The following RIMS1 variants were observed in gnomAD, a reference collection of about 807,000 sequenced individuals.
RIMS1 encodes the protein regulating synaptic membrane exocytosis 1.
A neutral mutation model predicts 214.1 loss-of-function variants in RIMS1; 83 were observed. The ratio of observed to expected loss-of-function variants is 0.39; its 90% CI spans 0.32 to 0.47. RIMS1 has a LOEUF of 0.47. Among genes scored for constraint, RIMS1 ranks in the 20% least tolerant of loss-of-function variants. The pLI is 0.99. For synonymous variants in RIMS1, 793 were observed against 786.8 expected (o/e 1.01, Z -0.13); for missense variants, 2,050 against 2,161.8 (o/e 0.95, Z 1.03).
intron 6 of RIMS1, among the ~76,000 whole-genome samples, chr6:72,190,058 C>T (rs1274412060): frequency 6.6e-6 from 1 of 152,204 alleles, no homozygotes; most frequent in Non-Finnish European, 1.5e-5. Flanking sequence ...TATGTAATCA[C>T]ACATCTGGCC....
At chr6:71,901,328 T>G (rs1582127580) in intron 1 of RIMS1, among the ~76,000 whole-genome samples, 1 of 152,262 alleles carries the variant, frequency 6.6e-6, no homozygotes, top group East Asian at 1.9e-4. Flanking sequence ...CATAGCAACC[T>G]TATTGTTAAT....
At chr6:72,377,925 TTCTAAGTGTTTACC>T (rs562136597) in intron 29 of RIMS1, among the ~76,000 whole-genome samples, 213 of 152,336 alleles carry the variant, frequency 1.4e-3, no homozygotes, top group African/African-American at 4.9e-3. Context: ...GTGTAAGTTG[TTCTAAGTGTTTACC>T]TCACCCATCC....
intron 18 of RIMS1, among the ~76,000 whole-genome samples, chr6:72,259,988 G>A (rs547160333): frequency 3.9e-5 from 6 of 152,180 alleles, no homozygotes; most frequent in Admixed American, 1.3e-4. Flanking sequence ...GGAAAGTAGC[G>A]TTGTGACCTT....
chr6:72,344,913 C>T (rs1356672685), intron 29 of RIMS1, among the ~76,000 whole-genome samples: 3 of 151,680 alleles, frequency 2.0e-5, no homozygotes, highest in Non-Finnish European at 4.4e-5. Context: ...TTATTGATTT[C>T]AGTGGAATTA....
chr6:72,315,111 G>A (rs929001665), intron 28 of RIMS1, among the ~76,000 whole-genome samples: 3 of 152,124 alleles, frequency 2.0e-5, no homozygotes, highest in African/African-American at 7.2e-5. Flanking sequence ...TTTTATACAA[G>A]GAGAATGGGG....
intron 1 of RIMS1, among the ~76,000 whole-genome samples, chr6:71,946,695 G>C (rs1392209408): frequency 6.6e-6 from 1 of 151,978 alleles, no homozygotes; most frequent in Non-Finnish European, 1.5e-5. Context: ...GAAAAACTTA[G>C]AGGAAAAGCT....
At chr6:71,938,772 C>G (rs903452256) in intron 1 of RIMS1, among the ~76,000 whole-genome samples, 1 of 152,162 alleles carries the variant, frequency 6.6e-6, no homozygotes, top group Non-Finnish European at 1.5e-5. Flanking sequence ...TAGGGTCTTT[C>G]TCCTATTGTC....
At chr6:72,320,114 A>G (rs1054023651) in intron 28 of RIMS1, among the ~76,000 whole-genome samples, 3 of 152,160 alleles carry the variant, frequency 2.0e-5, no homozygotes, top group Non-Finnish European at 4.4e-5. Context: ...ACAGTGCTTC[A>G]TGGTGAGTTG....
At chr6:72,293,448 C>T (rs1370404974) in intron 26 of RIMS1, among the ~76,000 whole-genome samples, 2 of 151,714 alleles carry the variant, frequency 1.3e-5, no homozygotes, top group Non-Finnish European at 3.0e-5. Context: ...TTTTTTAAAG[C>T]AAAAGTTGGT....
chr6:72,349,674 C>T (rs558640935), intron 29 of RIMS1, among the ~76,000 whole-genome samples: 3 of 151,762 alleles, frequency 2.0e-5, no homozygotes, highest in African/African-American at 7.3e-5. Flanking sequence ...TAGAAACTTA[C>T]CGGAAAGGGT....
intron 4 of RIMS1, 190 bp from the exon 5 acceptor site, chr6:72,179,385 T>C (rs924965946): frequency 1.7e-5 from 11 of 640,106 alleles, no homozygotes; most frequent in Non-Finnish European, 2.8e-5. Flanking sequence ...CTCTCTAGTC[T>C]CAGACAAGTC....
chr6:72,347,188 A>G (rs2097294442), intron 29 of RIMS1, among the ~76,000 whole-genome samples: 1 of 151,836 alleles, frequency 6.6e-6, no homozygotes, highest in Non-Finnish European at 1.5e-5. Context: ...ACTTTGCCCT[A>G]AAATTGATAC....
intron 1 of RIMS1, among the ~76,000 whole-genome samples, chr6:71,916,464 A>G (rs1321079518): frequency 6.6e-6 from 1 of 152,144 alleles, no homozygotes; most frequent in Admixed American, 6.6e-5. Flanking sequence ...CTAAAAATGT[A>G]CTGCCTGCTC....
At chr6:72,042,649 A>C (rs114964827) in intron 2 of RIMS1, among the ~76,000 whole-genome samples, 1,756 of 151,966 alleles carry the variant, frequency 0.012, 40 homozygotes, top group African/African-American at 0.039. Context: ...CTTTCTCTGC[A>C]TGCTGCATTT....
Position 72,312,021 on chromosome 6 carries a change from C to T in RIMS1, c.3964-1485C>T, listed in dbSNP as rs533437437. On this transcript the variant is annotated intron_variant, in intron 27 of 33. Coordinates refer to ENST00000521978, the MANE Select transcript of RIMS1 (RefSeq NM_014989.7). ...TAATGTTTCAGTCCTAAACTACTCT[C>T]ATGTAAGAAATTATTAAATAAACAT... is the stretch of plus-strand genomic sequence containing the variant. 1.5e-4 allele frequency among the ~76,000 whole-genome samples: 23 copies of T among 152,250 alleles called. No homozygotes were observed. The South Asian group carries it at 4.8e-3, about 32-fold the overall frequency.
At chr6:72,114,774 G>A (rs1214914201) in intron 4 of RIMS1, among the ~76,000 whole-genome samples, 1 of 151,610 alleles carries the variant, frequency 6.6e-6, no homozygotes, top group Non-Finnish European at 1.5e-5. Context: ...TGTATTTTAG[G>A]ATATGTTTCC....
intron 29 of RIMS1, among the ~76,000 whole-genome samples, chr6:72,349,676 G>A (rs2815711): frequency 1.9e-4 from 29 of 151,942 alleles, no homozygotes; most frequent in African/African-American, 6.0e-4. Context: ...GAAACTTACC[G>A]GAAAGGGTTG....
intron 27 of RIMS1, among the ~76,000 whole-genome samples, chr6:72,311,564 T>A (rs2095512395): frequency 1.3e-5 from 2 of 152,240 alleles, no homozygotes; most frequent in Admixed American, 1.3e-4. Flanking sequence ...CTTTGAATTC[T>A]AATTTGGCAT....
At chr6:72,220,729 G>A (rs72939734) in intron 6 of RIMS1, among the ~76,000 whole-genome samples, 30,972 of 152,022 alleles carry the variant, frequency 0.2, 3,984 homozygotes, top group Non-Finnish European at 0.28. Flanking sequence ...ATTGGCATAA[G>A]CAAAAACATT....
Sources: gnomAD v4.1 joint callset for allele counts (sites outside exome capture counted in the v4.1 genomes callset) on GRCh38, gnomAD v4.1.1 for gene constraint, MANE v1.5 for transcripts, NCBI Gene and HGNC (gene_info 2026-07-23, HGNC 2026-07-21) for gene names.